Variants in SDK1 observed in about 807,000 individuals in gnomAD.
SDK1 encodes the protein sidekick cell adhesion molecule 1, also known as protein sidekick-1.
A neutral mutation model predicts 245.5 loss-of-function variants in SDK1; 157 were observed. That is an observed-to-expected ratio of 0.64 (90% confidence interval 0.56 to 0.73). The LOEUF (loss-of-function observed/expected upper bound fraction) is 0.73. SDK1 is among the 30% of genes least tolerant of loss of function. SDK1 has a pLI of 0.00. For synonymous variants in SDK1, 1,647 were observed against 1,278.5 expected (o/e 1.29, Z -6.15); for missense variants, 3,583 against 3,002.3 (o/e 1.19, Z -4.52).
intron 44 of SDK1, among the ~76,000 whole-genome samples, chr7:4,251,717 T>A (rs1787309868): frequency 6.6e-6 from 1 of 152,202 alleles, no homozygotes; most frequent in South Asian, 2.1e-4. Flanking sequence ...TGAAAGGAAC[T>A]TTTTACCAGT....
At chr7:3,754,353 C>T (rs373370728) in intron 4 of SDK1, among the ~76,000 whole-genome samples, 1 of 152,030 alleles carries the variant, frequency 6.6e-6, no homozygotes, top group African/African-American at 2.4e-5. Context: ...CTAATTTAGC[C>T]CATATTAATA....
At chr7:4,111,347 G>A (rs59290098) in intron 23 of SDK1, among the ~76,000 whole-genome samples, 4,739 of 152,264 alleles carry the variant, frequency 0.031, 245 homozygotes, top group African/African-American at 0.11. Flanking sequence ...GGCCTTTGAA[G>A]GAGATGGAAT....
At chr7:3,580,981 AAAAAAAAAAAAAACC>A (rs1038893884) in intron 1 of SDK1, among the ~76,000 whole-genome samples, 11 of 139,288 alleles carry the variant, frequency 7.9e-5, no homozygotes, top group African/African-American at 2.9e-4. Context: ...AAAAAAAAAA[AAAAAAAAAAAAAACC>A]AAAACAAAAC....
chr7:3,571,892 A>C (rs759407750), intron 1 of SDK1, among the ~76,000 whole-genome samples: 1 of 152,076 alleles, frequency 6.6e-6, no homozygotes, highest in Non-Finnish European at 1.5e-5. Context: ...ATTTCTACCT[A>C]GCCCTTAAAA....
chr7:3,566,950 T>C (rs1158275498), intron 1 of SDK1, among the ~76,000 whole-genome samples: 1 of 152,160 alleles, frequency 6.6e-6, no homozygotes, highest in Non-Finnish European at 1.5e-5. Context: ...ATAGGAATTG[T>C]CATGCACTGG....
chr7:3,902,454 C>A (rs191719993), intron 5 of SDK1, among the ~76,000 whole-genome samples: 1 of 152,242 alleles, frequency 6.6e-6, no homozygotes, highest in Non-Finnish European at 1.5e-5. Flanking sequence ...TTAATATTTC[C>A]TTCTGGTTCT....
In SDK1 at chr7:4,079,474, G is replaced by A. The variant is rs932112156; in HGVS notation, c.3214G>A (p.Ala1072Thr). Residue 1072 changes from alanine to threonine, a missense_variant, in exon 22 of 45, where the codon GCC becomes ACC. Ala to Thr is a moderately conservative substitution (Grantham distance 58). Transcript: ENST00000404826. ...SSGVPPDLPG[A>T]PSNLVISNIS... Reference sequence around the variant, plus strand: ...TGGTTCCTCTCTAGACCTTCCTGGTGCCCCATCCAACCTGGTCATTTCCAA... The same window carrying A: ...TGGTTCCTCTCTAGACCTTCCTGGTACCCCATCCAACCTGGTCATTTCCAA... 3.1e-6 allele frequency: 5 copies of A among 1,614,034 alleles called. No individual in the cohort carries two copies. Among genetic ancestry groups the A allele is most frequent in the Admixed American group, 3.3e-5 (2 of 59,998 alleles).
chr7:4,174,940 C>T (rs1032596423), intron 33 of SDK1, among the ~76,000 whole-genome samples: 5 of 152,214 alleles, frequency 3.3e-5, no homozygotes, highest in African/African-American at 1.2e-4. Flanking sequence ...TTCCTGGCAC[C>T]CACCAAACGG....
chr7:3,951,646 A>G (rs907885911), intron 6 of SDK1, 84 bp from the exon 7 acceptor site: 14 of 1,280,072 alleles, frequency 1.1e-5, no homozygotes, highest in Non-Finnish European at 1.4e-5. Flanking sequence ...AGCTTCGTCA[A>G]GCCTGTGCCG....
chr7:4,004,161 C>G (rs751413061), intron 14 of SDK1, among the ~76,000 whole-genome samples: 5 of 152,206 alleles, frequency 3.3e-5, no homozygotes, highest in African/African-American at 7.2e-5. Context: ...TCCACAAACA[C>G]TTATTGAGCT....
intron 1 of SDK1, among the ~76,000 whole-genome samples, chr7:3,590,639 G>A (rs1427837478): frequency 1.3e-5 from 2 of 152,112 alleles, no homozygotes; most frequent in Non-Finnish European, 2.9e-5. Flanking sequence ...ACTGTATGTG[G>A]TATCCTCCAG....
chr7:3,979,960 C>T (rs972828641), intron 13 of SDK1, among the ~76,000 whole-genome samples: 1 of 152,178 alleles, frequency 6.6e-6, no homozygotes, highest in African/African-American at 2.4e-5. Flanking sequence ...GACTTGGAGA[C>T]CCTGAGGCAT....
intron 1 of SDK1, among the ~76,000 whole-genome samples, chr7:3,378,345 TGTTA>T (rs1351496050): frequency 6.6e-6 from 1 of 152,228 alleles, no homozygotes; most frequent in African/African-American, 2.4e-5. Flanking sequence ...CAAAAGTCCT[TGTTA>T]GTTCATAAGA....
At chr7:3,346,827 A>ATATT (rs1228887289) in intron 1 of SDK1, among the ~76,000 whole-genome samples, 10 of 16,386 alleles carry the variant, frequency 6.1e-4, no homozygotes, top group Admixed American at 1.1e-3. Context: ...ATATATATAT[A>ATATT]TTTTTTTTTT....
chr7:3,460,379 T>A (rs1780795942), intron 1 of SDK1, among the ~76,000 whole-genome samples: 2 of 152,226 alleles, frequency 1.3e-5, no homozygotes, highest in Admixed American at 6.6e-5. Context: ...TGAGTCAATA[T>A]CTATTACAGA....
At chr7:4,233,670 C>A (rs1334757557) in intron 41 of SDK1, among the ~76,000 whole-genome samples, 1 of 152,178 alleles carries the variant, frequency 6.6e-6, no homozygotes, top group Non-Finnish European at 1.5e-5. Flanking sequence ...AAGGGACACA[C>A]ATCTGCTGCT....
At position 3,435,197 on chromosome 7, in the gene SDK1, A is replaced by G. The variant is rs562398078; in HGVS notation, c.298+133313A>G. On this transcript the variant is annotated intron_variant, in intron 1 of 44. Coordinates refer to ENST00000404826, the MANE Select transcript of SDK1 (RefSeq NM_152744.4). Reference sequence around the variant, plus strand: ...TTTTGAAATCTTTTTCTCATTATTTATGGAAGATAGTGATTGGGAGAAAGC... The same window carrying G: ...TTTTGAAATCTTTTTCTCATTATTTGTGGAAGATAGTGATTGGGAGAAAGC... Among the ~76,000 whole-genome samples, 3 of 151,100 alleles carry G rather than the reference A, an allele frequency of 2.0e-5. No homozygotes were observed. In the East Asian group the frequency reaches 5.8e-4, roughly 29 times the overall value.
chr7:3,757,062 A>G (rs1200630119), intron 4 of SDK1, among the ~76,000 whole-genome samples: 1 of 151,998 alleles, frequency 6.6e-6, no homozygotes, highest in East Asian at 1.9e-4. Context: ...CAACTCTCTG[A>G]CACCAACTGG....
At chr7:3,881,392 C>T (rs76231607) in intron 5 of SDK1, among the ~76,000 whole-genome samples, 1 of 151,880 alleles carries the variant, frequency 6.6e-6, no homozygotes, top group South Asian at 2.1e-4. Flanking sequence ...CTGAATATAA[C>T]GTCTTCCAGC....
Sources: gnomAD v4.1 joint callset for allele counts (sites outside exome capture counted in the v4.1 genomes callset) on GRCh38, gnomAD v4.1.1 for gene constraint, MANE v1.5 for transcripts, NCBI Gene and HGNC (gene_info 2026-07-23, HGNC 2026-07-21) for gene names.